Variants in PCDH15 observed in about 807,000 individuals in gnomAD.
PCDH15 encodes protocadherin related 15, also known as protocadherin-15.
PCDH15 carries 129 observed loss-of-function variants against 178.5 expected under a neutral mutation model. That is an observed-to-expected ratio of 0.72 (90% CI 0.63 to 0.84). The LOEUF is 0.84. Ranked by LOEUF, PCDH15 falls within the 40% of genes least tolerant of loss-of-function variation. PCDH15 has a pLI of 0.00. For missense variants in PCDH15, 2,230 were observed against 2,099.9 expected, an observed-to-expected ratio of 1.06 and a Z score of -1.21; for synonymous variants, 800 against 732.0, an observed-to-expected ratio of 1.09 and a Z score of -1.50.
intron 1 of PCDH15, among the ~76,000 whole-genome samples, chr10:55,176,945 A>G (rs2132129737): frequency 6.6e-6 from 1 of 152,244 alleles, no homozygotes; most frequent in South Asian, 2.1e-4. Context: ...TTTATCCACA[A>G]TTTAAAGTTT....
At chr10:55,395,196 TGAGAGAGAGA>T (rs55765914) in intron 2 of PCDH15, among the ~76,000 whole-genome samples, 1,673 of 126,680 alleles carry the variant, frequency 0.013, 14 homozygotes, top group Middle Eastern at 0.025. Flanking sequence ...TGTGTGTGTG[TGAGAGAGAGA>T]GAGAGAGAGA....
intron 13 of PCDH15, among the ~76,000 whole-genome samples, chr10:54,158,436 C>T (rs1358657244): frequency 6.6e-6 from 1 of 152,140 alleles, no homozygotes; most frequent in Admixed American, 6.5e-5. Flanking sequence ...AATTACCTCC[C>T]ACCAGATCCC....
chr10:54,933,348 A>T (rs751372097), intron 2 of PCDH15, among the ~76,000 whole-genome samples: 65 of 152,166 alleles, frequency 4.3e-4, no homozygotes, highest in Non-Finnish European at 6.6e-4. Context: ...TGTAAAAAAA[A>T]ATGTGTTTTA....
chr10:55,264,202 G>A (rs1000558999), intron 1 of PCDH15, among the ~76,000 whole-genome samples: 2 of 152,130 alleles, frequency 1.3e-5, no homozygotes, highest in Non-Finnish European at 2.9e-5. Flanking sequence ...TCAATCCGAA[G>A]CTCGATTCCA....
At chr10:54,548,592 AT>A (rs2086154759) in intron 2 of PCDH15, among the ~76,000 whole-genome samples, 2 of 145,400 alleles carry the variant, frequency 1.4e-5, no homozygotes, top group South Asian at 4.2e-4. Flanking sequence ...TATTGTATAT[AT>A]TTATATTATA....
At chr10:54,122,403 C>T (rs538268516) in intron 15 of PCDH15, among the ~76,000 whole-genome samples, 1 of 152,122 alleles carries the variant, frequency 6.6e-6, no homozygotes, top group Admixed American at 6.5e-5. Context: ...AAACCCATAG[C>T]CAGCATCATA....
At chr10:54,601,181 A>G (rs1022352314) in intron 2 of PCDH15, among the ~76,000 whole-genome samples, 1 of 151,984 alleles carries the variant, frequency 6.6e-6, no homozygotes, top group African/African-American at 2.4e-5. Flanking sequence ...AACATAGTCA[A>G]AAAATAAATA....
At chr10:54,730,190 CATA>C (rs1004899672) in intron 1 of PCDH15, among the ~76,000 whole-genome samples, 18 of 151,652 alleles carry the variant, frequency 1.2e-4, no homozygotes, top group African/African-American at 4.1e-4. Flanking sequence ...AAATGTCATA[CATA>C]TATACCATGG....
chr10:55,224,227 A>T (rs1378206407), intron 1 of PCDH15, among the ~76,000 whole-genome samples: 1 of 151,524 alleles, frequency 6.6e-6, no homozygotes, highest in Non-Finnish European at 1.5e-5. Flanking sequence ...AAACAAAAAA[A>T]CAAAAAGTAC....
At chr10:55,077,398 TCTTCCTTCCTTCCTTCCTTCCTTCCTTC>T (rs58045517) in intron 2 of PCDH15, among the ~76,000 whole-genome samples, 1 of 137,530 alleles carries the variant, frequency 7.3e-6, no homozygotes, top group African/African-American at 2.9e-5. Flanking sequence ...TGGTTTTCTC[TCTTCCTTCCTTCCTTCCTTCCTTCCTTC>T]CTTCCTTCCT....
intron 2 of PCDH15, among the ~76,000 whole-genome samples, chr10:55,091,884 A>G (rs1663459643): frequency 6.6e-6 from 1 of 151,940 alleles, no homozygotes; most frequent in Admixed American, 6.6e-5. Flanking sequence ...TGAGAAATGT[A>G]TAGTGTACTA....
intron 2 of PCDH15, among the ~76,000 whole-genome samples, chr10:55,400,398 G>A (rs1838033682): frequency 1.3e-5 from 2 of 152,134 alleles, no homozygotes; most frequent in African/African-American, 2.4e-5. Flanking sequence ...AAGGTCATGT[G>A]ATTGTTTATC....
chr10:54,286,323 T>G (rs561707065), intron 8 of PCDH15, among the ~76,000 whole-genome samples: 2 of 152,288 alleles, frequency 1.3e-5, no homozygotes, highest in African/African-American at 2.4e-5. Flanking sequence ...TAAATATGCA[T>G]AATTATTATG....
intron 2 of PCDH15, among the ~76,000 whole-genome samples, chr10:55,130,058 T>C (rs537782496): frequency 7.2e-5 from 11 of 152,216 alleles, no homozygotes; most frequent in African/African-American, 2.6e-4. Context: ...GCTCAGGAGA[T>C]TCTCATACAG....
intron 2 of PCDH15, 54 bp downstream of exon 2, chr10:54,664,118 T>C (rs916844479): frequency 2.3e-5 from 29 of 1,277,314 alleles, no homozygotes; most frequent in African/African-American, 4.4e-5. Flanking sequence ...ATATTTTCAA[T>C]GTAATAATAA....
At chr10:54,855,264 G>A (rs1337278549) in intron 3 of PCDH15, among the ~76,000 whole-genome samples, 1 of 152,194 alleles carries the variant, frequency 6.6e-6, no homozygotes, top group South Asian at 2.1e-4. Context: ...GGAGACCCAG[G>A]TCTGCAGCTA....
chr10:54,638,108 C>T (rs1258855782), intron 2 of PCDH15, among the ~76,000 whole-genome samples: 1 of 151,914 alleles, frequency 6.6e-6, no homozygotes, highest in Admixed American at 6.6e-5. Context: ...CCCTGTGTCA[C>T]ATTTTGTAAC....
intron 3 of PCDH15, among the ~76,000 whole-genome samples, chr10:54,486,798 T>A (rs947115307): frequency 1.3e-5 from 2 of 151,998 alleles, no homozygotes; most frequent in African/African-American, 4.8e-5. Flanking sequence ...GAAAGCATCT[T>A]TGGGGGAACA....
At chr10:54,430,784 TC>T (rs1322233657) in intron 3 of PCDH15, among the ~76,000 whole-genome samples, 3 of 151,272 alleles carry the variant, frequency 2.0e-5, no homozygotes, top group African/African-American at 7.3e-5. Flanking sequence ...AAAAAAAAAT[TC>T]CAATGAAGAA....
Sources: allele counts gnomAD v4.1 joint callset (sites outside exome capture counted in the v4.1 genomes callset), GRCh38; gene constraint gnomAD v4.1.1; transcripts MANE v1.5; gene names NCBI Gene and HGNC (gene_info 2026-07-23, HGNC 2026-07-21).